Variants in GRIA2 observed in about 807,000 individuals in gnomAD.
The protein encoded by GRIA2 is glutamate receptor 2.
A neutral mutation model predicts 97.3 loss-of-function variants in GRIA2; 14 were observed. The observed-to-expected ratio is 0.14, with a 90% CI of 0.10 to 0.23. GRIA2 has a LOEUF of 0.23. Among genes scored for constraint, GRIA2 ranks in the 10% least tolerant of loss-of-function variants. The probability of loss-of-function intolerance (pLI) is 1.00; values close to 1 mark genes in which losing one functional copy is unlikely to be tolerated. For missense variants in GRIA2, 558 were observed against 1,069.8 expected (o/e 0.52, Z 6.67); for synonymous variants, 412 against 387.8 (o/e 1.06, Z -0.73).
intron 2 of GRIA2, among the ~76,000 whole-genome samples, chr4:157,273,965 AAACATACATGGG>A (rs1165015603): frequency 6.6e-6 from 1 of 152,110 alleles, no homozygotes; most frequent in Non-Finnish European, 1.5e-5. Context: ...ATATGTAAAT[AAACATACATGGG>A]AAAAATATCT....
chr4:157,243,347 A>G (rs56190081), intron 2 of GRIA2, among the ~76,000 whole-genome samples: 4,978 of 152,158 alleles, frequency 0.033, 271 homozygotes, highest in African/African-American at 0.11. Flanking sequence ...AAAGGATTTC[A>G]CCTTGCTCTG....
chr4:157,334,852 A>G (rs1735211434), intron 9 of GRIA2: 2 of 152,260 alleles, frequency 1.3e-5, no homozygotes, highest in South Asian at 4.1e-4. Flanking sequence ...TTGAGAGCAG[A>G]TATAGATAGA....
intron 3 of GRIA2, among the ~76,000 whole-genome samples, chr4:157,305,158 T>G (rs1188759682): frequency 6.6e-6 from 1 of 152,200 alleles, no homozygotes; most frequent in Non-Finnish European, 1.5e-5. Flanking sequence ...AATTTTTAGT[T>G]TTTCCTCTTG....
At chr4:157,256,996 G>A (rs977734654) in intron 2 of GRIA2, among the ~76,000 whole-genome samples, 1 of 152,056 alleles carries the variant, frequency 6.6e-6, no homozygotes, top group East Asian at 1.9e-4. Context: ...ATTATTTTTT[G>A]TAGTAGAGTT....
At chr4:157,237,365 G>A (rs1457344800) in intron 2 of GRIA2, among the ~76,000 whole-genome samples, 3 of 151,246 alleles carry the variant, frequency 2.0e-5, no homozygotes, top group Non-Finnish European at 4.4e-5. Flanking sequence ...CATGATCATG[G>A]CTCACTGTAA....
chr4:157,317,550 C>A (rs2126896647), intron 4 of GRIA2, 108 bp from the exon 5 acceptor site: 1 of 468,830 alleles, frequency 2.1e-6, no homozygotes, highest in African/African-American at 2.0e-5. Context: ...CATCAACAAA[C>A]CTAGCAGATA....
At position 157,231,079 on chromosome 4, in the gene GRIA2, AC is replaced by A. The variant is rs556590576; in HGVS notation, c.229+9275del. On this transcript the variant is annotated intron_variant, in intron 2 of 15. Transcript: ENST00000264426. ...TTCTGAGATGGAGTCTCGCTCTGTC[AC>A]CCAGGATAGAGTGTGGTGTTGCAGT... 1.1e-4 allele frequency among the ~76,000 whole-genome samples: 17 copies of A among 151,870 alleles called. No homozygotes were observed. The South Asian group carries it at 3.5e-3, about 32-fold the overall frequency.
At chr4:157,329,232 C>T (rs971656411) in intron 6 of GRIA2, among the ~76,000 whole-genome samples, 13 of 151,624 alleles carry the variant, frequency 8.6e-5, no homozygotes, top group Non-Finnish European at 1.5e-4. Context: ...ACTTATCTTT[C>T]CTAGAAATCA....
chr4:157,289,107 G>T (rs1290757534), intron 2 of GRIA2, among the ~76,000 whole-genome samples: 2 of 151,830 alleles, frequency 1.3e-5, no homozygotes, highest in Non-Finnish European at 2.9e-5. Flanking sequence ...AGGCAGCAAA[G>T]ATTTGATTTG....
intron 2 of GRIA2, among the ~76,000 whole-genome samples, chr4:157,245,584 G>A (rs1421461882): frequency 6.6e-6 from 1 of 151,966 alleles, no homozygotes; most frequent in Admixed American, 6.6e-5. Context: ...AGAAACATAA[G>A]TGAAATGAAA....
intron 12 of GRIA2, among the ~76,000 whole-genome samples, chr4:157,343,797 G>A (rs995472790): frequency 5.9e-5 from 9 of 151,936 alleles, no homozygotes; most frequent in African/African-American, 1.5e-4. Context: ...TATATGACAC[G>A]GTTGCAATTT....
intron 2 of GRIA2, among the ~76,000 whole-genome samples, chr4:157,228,930 C>A (rs181170092): frequency 7.5e-6 from 1 of 133,168 alleles, no homozygotes; most frequent in Admixed American, 8.7e-5. Context: ...CGTTATGGGT[C>A]TGCCAAGCTT....
chr4:157,258,860 G>A (rs567483502), intron 2 of GRIA2, among the ~76,000 whole-genome samples: 221 of 152,036 alleles, frequency 1.5e-3, no homozygotes, highest in African/African-American at 5.1e-3. Flanking sequence ...TCGGGGGCGG[G>A]TTCCCCCGAT....
intron 2 of GRIA2, among the ~76,000 whole-genome samples, chr4:157,261,131 G>A (rs1311723624): frequency 1.3e-5 from 2 of 152,078 alleles, no homozygotes; most frequent in Admixed American, 1.3e-4. Context: ...ATATGGCTGG[G>A]GAGGCCTCAC....
intron 6 of GRIA2, among the ~76,000 whole-genome samples, chr4:157,329,908 G>A (rs1221786444): frequency 2.0e-5 from 3 of 151,762 alleles, no homozygotes; most frequent in Admixed American, 1.3e-4. Context: ...TAATTACCTC[G>A]GAATCACAGA....
intron 2 of GRIA2, among the ~76,000 whole-genome samples, chr4:157,230,968 C>G (rs1342875524): frequency 1.3e-5 from 2 of 152,098 alleles, no homozygotes; most frequent in African/African-American, 4.8e-5. Context: ...ATTCTCCTGC[C>G]TCAGCCTCCC....
chr4:157,297,621 G>T (rs1190333212), intron 2 of GRIA2, among the ~76,000 whole-genome samples: 3 of 152,052 alleles, frequency 2.0e-5, no homozygotes, highest in Non-Finnish European at 2.9e-5. Context: ...TTCAAACCCA[G>T]TTTGTTCTCA....
chr4:157,360,060 G>A lies in GRIA2; in HGVS notation c.2208G>A (p.Arg736=), dbSNP rs1736568768. 1.2e-6 allele frequency: 2 copies of A among 1,613,922 alleles called. No individual in the cohort carries two copies. The highest frequency in any genetic ancestry group is 1.7e-6 in the Non-Finnish European group (2 of 1,179,892). Residue 736 remains arginine (R), a synonymous_variant, in exon 13 of 16, where the codon AGG becomes AGA. Transcript: ENST00000264426. ...CGATGAACGAGTACATTGAGCAAAGGAAGCCTTGCGACACCATGAAAGTTG... is the reference window on the plus strand; with the variant it reads ...CGATGAACGAGTACATTGAGCAAAGAAAGCCTTGCGACACCATGAAAGTTG... ...ESTMNEYIEQ[R]KPCDTMKVGG... is the part of the protein sequence containing the mutation.
intron 12 of GRIA2, among the ~76,000 whole-genome samples, chr4:157,354,938 G>T (rs993449536): frequency 5.3e-5 from 8 of 152,140 alleles, no homozygotes; most frequent in Non-Finnish European, 1.0e-4. Flanking sequence ...TAAGGAAGGG[G>T]TAACTATAGG....
Sources: gnomAD v4.1 joint callset for allele counts (sites outside exome capture counted in the v4.1 genomes callset) on GRCh38, gnomAD v4.1.1 for gene constraint, MANE v1.5 for transcripts, NCBI Gene and HGNC (gene_info 2026-07-23, HGNC 2026-07-21) for gene names.